Variants in SGCD observed in about 807,000 individuals in gnomAD.
The protein encoded by SGCD is sarcoglycan delta.
In SGCD, 18 loss-of-function variants were observed where a neutral mutation model predicts 36.6. The ratio of observed to expected loss-of-function variants is 0.49; its 90% CI spans 0.34 to 0.73. SGCD has a LOEUF of 0.73. Among genes scored for constraint, SGCD ranks in the 30% least tolerant of loss-of-function variants. SGCD has a pLI of 0.01. For missense variants in SGCD, 387 were observed against 346.7 expected (o/e 1.12, Z -0.92); for synonymous variants, 133 against 130.6 (o/e 1.02, Z -0.12).
the SGCD span, among the ~76,000 whole-genome samples, chr5:155,773,198 G>T: frequency 1.3e-5 from 2 of 152,098 alleles, no homozygotes; most frequent in South Asian, 4.1e-4. Flanking sequence ...TGCTGTAAAA[G>T]TGAAGTAGTA....
intron 3 of SGCD, among the ~76,000 whole-genome samples, chr5:156,357,745 T>A (rs1769564728): frequency 1.3e-5 from 2 of 152,184 alleles, no homozygotes; most frequent in Non-Finnish European, 1.5e-5. Flanking sequence ...AGCCTTTCTG[T>A]TTATTGTAGA....
At chr5:156,193,396 G>C (rs1013550554) in intron 3 of SGCD, among the ~76,000 whole-genome samples, 1 of 152,034 alleles carries the variant, frequency 6.6e-6, no homozygotes, top group African/African-American at 2.4e-5. Context: ...TTCTTATTTT[G>C]AGATAATGGA....
rs1264025231 is a variant in SGCD at position 156,767,628 on chromosome 5, A to G, written c.*8238A>G. The G allele has an allele frequency of 6.6e-6, 1 of 152,142 alleles. No individual in the cohort carries two copies. Among genetic ancestry groups the G allele is most frequent in the Non-Finnish European group, 1.5e-5 (1 of 68,032 alleles). The allele number at this position is 152,142 out of a possible 1,614,324, so 9.4% of individuals were successfully genotyped here. A position where few individuals can be genotyped will look rare whatever the true frequency, so the allele number is the denominator to read the frequency against. ...TTTTGAATAACATCAATCCTTGCAC[A>G]CTCTATGCAAAAATTTTGTAAGCAT... On this transcript the variant is annotated 3_prime_UTR_variant, in exon 9 of 9. Coordinates refer to ENST00000337851, the MANE Select transcript of SGCD (RefSeq NM_000337.6).
intron 6 of SGCD, among the ~76,000 whole-genome samples, chr5:156,635,998 C>T (rs11743435): frequency 0.084 from 12,762 of 151,954 alleles, 689 homozygotes; most frequent in Non-Finnish European, 0.12. Flanking sequence ...AACAAACCTG[C>T]CGGTTGTGCA....
chr5:156,050,747 C>G lies in SGCD; in HGVS notation c.-281-67131C>G, dbSNP rs535753916. ...CTTCTTGATGCTCTAGGAGATAATT[C>G]ATTTTGCCTTTTCTAGCTTCTAGAA... is the stretch of plus-strand genomic sequence containing the variant. On this transcript the variant is annotated intron_variant, in intron 1 of 9. Transcript: ENST00000517913. Among the ~76,000 whole-genome samples the G allele has an allele frequency of 1.2e-4, 18 of 146,630 alleles. 2 individuals carry two copies. In the East Asian group the frequency reaches 1.4e-3, roughly 11 times the overall value.
At chr5:156,748,204 T>C (rs1012106715) in intron 7 of SGCD, among the ~76,000 whole-genome samples, 1 of 152,174 alleles carries the variant, frequency 6.6e-6, no homozygotes, top group African/African-American at 2.4e-5. Context: ...GAAGAATGCG[T>C]GCCTCTGGAG....
At chr5:156,593,674 T>A (rs532678522) in intron 5 of SGCD, among the ~76,000 whole-genome samples, 58 of 152,300 alleles carry the variant, frequency 3.8e-4, no homozygotes, top group African/African-American at 1.3e-3. Context: ...TCCTTTCTCA[T>A]GACTTCTTTC....
intron 1 of SGCD, among the ~76,000 whole-genome samples, chr5:155,943,857 T>A (rs1286146811): frequency 6.6e-6 from 1 of 152,212 alleles, no homozygotes; most frequent in East Asian, 1.9e-4. Context: ...CTTTTAATAA[T>A]GCAAAACTGG....
chr5:156,227,070 T>C (rs897039724), intron 3 of SGCD, among the ~76,000 whole-genome samples: 7 of 152,280 alleles, frequency 4.6e-5, no homozygotes, highest in Middle Eastern at 6.8e-3. Context: ...CTGCTGACGG[T>C]TCTTTTGCCA....
chr5:156,046,921 T>C (rs565972857), intron 1 of SGCD, among the ~76,000 whole-genome samples: 1 of 152,286 alleles, frequency 6.6e-6, no homozygotes, highest in South Asian at 2.1e-4. Context: ...AGCCAAGTTG[T>C]TAATGCAAAG....
chr5:155,904,862 G>A (rs1756468204), intron 1 of SGCD, among the ~76,000 whole-genome samples: 2 of 152,228 alleles, frequency 1.3e-5, no homozygotes, highest in Admixed American at 6.5e-5. Flanking sequence ...ATCTTGTAGT[G>A]CAAAGAACAT....
chr5:156,190,726 G>C (rs1036548390), intron 3 of SGCD, among the ~76,000 whole-genome samples: 5 of 152,034 alleles, frequency 3.3e-5, no homozygotes, highest in African/African-American at 1.2e-4. Flanking sequence ...CTTTTAATAG[G>C]AATAAAGCCA....
intron 3 of SGCD, among the ~76,000 whole-genome samples, chr5:156,370,294 C>G (rs1344399953): frequency 6.6e-6 from 1 of 152,086 alleles, no homozygotes; most frequent in Non-Finnish European, 1.5e-5. Context: ...TTGAGGACAG[C>G]TCTCCAACAG....
chr5:156,334,933 T>G (rs1292907069), intron 2 of SGCD, among the ~76,000 whole-genome samples: 2 of 152,174 alleles, frequency 1.3e-5, no homozygotes, highest in East Asian at 3.9e-4. Context: ...AAAAGTTAAG[T>G]CTTTGCCTCA....
At chr5:156,599,197 AGAAGTTTGT>A (rs1191615545) in intron 6 of SGCD, among the ~76,000 whole-genome samples, 1 of 152,140 alleles carries the variant, frequency 6.6e-6, no homozygotes, top group Non-Finnish European at 1.5e-5. Flanking sequence ...CAGCATAATG[AGAAGTTTGT>A]CTTTTTGAGT....
At chr5:156,133,797 G>T (rs938204351) in intron 3 of SGCD, among the ~76,000 whole-genome samples, 15 of 151,356 alleles carry the variant, frequency 9.9e-5, no homozygotes, top group African/African-American at 3.6e-4. Flanking sequence ...ATTATGTTTT[G>T]CAGTCTGTTT....
chr5:156,296,988 T>C (rs997147498), intron 3 of SGCD, among the ~76,000 whole-genome samples: 1 of 151,482 alleles, frequency 6.6e-6, no homozygotes, highest in African/African-American at 2.4e-5. Context: ...ACACACTCTA[T>C]ATAGTTTTCA....
chr5:156,011,384 C>G (rs7732332), intron 1 of SGCD, among the ~76,000 whole-genome samples: 22 of 151,958 alleles, frequency 1.4e-4, no homozygotes, highest in African/African-American at 5.1e-4. Context: ...GAGATATATA[C>G]AGGTTGGGTT....
At chr5:156,366,420 G>C (rs1770110281) in intron 3 of SGCD, among the ~76,000 whole-genome samples, 1 of 152,102 alleles carries the variant, frequency 6.6e-6, no homozygotes, top group African/African-American at 2.4e-5. Flanking sequence ...TTAAAATCAG[G>C]GGAAATCACC....
Sources: allele counts gnomAD v4.1 joint callset (sites outside exome capture counted in the v4.1 genomes callset), GRCh38; gene constraint gnomAD v4.1.1; transcripts MANE v1.5; gene names NCBI Gene and HGNC (gene_info 2026-07-23, HGNC 2026-07-21).